The following RPS6KA2 variants were observed in gnomAD, a reference collection of about 807,000 sequenced individuals.
RPS6KA2 encodes ribosomal protein S6 kinase A2.
RPS6KA2 carries 42 observed loss-of-function variants against 91.8 expected under a neutral mutation model. The observed-to-expected ratio is 0.46, with a 90% confidence interval of 0.36 to 0.59. The LOEUF is 0.59. RPS6KA2 is among the 20% of genes least tolerant of loss of function. The pLI, the probability that RPS6KA2 is intolerant of heterozygous loss-of-function variation, is 0.00. For missense variants in RPS6KA2, 798 were observed against 978.5 expected (o/e 0.82, Z 2.46); for synonymous variants, 414 against 393.6 (o/e 1.05, Z -0.61).
intron 2 of RPS6KA2, among the ~76,000 whole-genome samples, chr6:166,663,650 A>T (rs1022836677): frequency 3.3e-5 from 5 of 152,204 alleles, no homozygotes; most frequent in African/African-American, 1.2e-4. Context: ...AAGAACATGC[A>T]ACAGGGGAAA....
At chr6:166,771,360 A>G (rs942900393) in intron 2 of RPS6KA2, among the ~76,000 whole-genome samples, 1 of 152,188 alleles carries the variant, frequency 6.6e-6, no homozygotes, top group African/African-American at 2.4e-5. Context: ...CATCTGTAAT[A>G]CGCTCGCATA....
In RPS6KA2 at chr6:166,448,884, A is replaced by C; in HGVS notation, c.1207-35T>G. 1 of 1,611,102 alleles carries C rather than the reference A, an allele frequency of 6.2e-7. No homozygotes were observed. The highest frequency in any genetic ancestry group is 8.5e-7 in the Non-Finnish European group (1 of 1,178,004). ...GACCAAGAGAAGAAGAGTTGTCGGA[A>C]CCCTCACACGAGGGGACGGTGCAGC... On this transcript the variant is annotated intron_variant, in intron 13 of 20. Coordinates refer to ENST00000265678, the MANE Select transcript of RPS6KA2 (RefSeq NM_021135.6). The surrounding 1 kb of genome is among the most constrained non-coding windows in gnomAD (Gnocchi z 4.7).
chr6:166,765,540 C>T (rs892827134), intron 2 of RPS6KA2, among the ~76,000 whole-genome samples: 11 of 152,148 alleles, frequency 7.2e-5, no homozygotes, highest in African/African-American at 9.7e-5. Context: ...AACAAGAAAA[C>T]GACTTTGTTT....
At chr6:166,579,858 A>T (rs1250651688) in intron 1 of RPS6KA2, among the ~76,000 whole-genome samples, 1 of 152,212 alleles carries the variant, frequency 6.6e-6, no homozygotes, top group African/African-American at 2.4e-5. Context: ...TGATTATGCA[A>T]ATAACTCACA....
chr6:166,602,360 C>A (rs1000462392), intron 1 of RPS6KA2, among the ~76,000 whole-genome samples: 3 of 152,178 alleles, frequency 2.0e-5, no homozygotes, highest in African/African-American at 7.2e-5. Context: ...AGGTATATAC[C>A]CGAGAGAACC....
In RPS6KA2 at chr6:166,435,033, T is replaced by C. The variant is rs1779251484; in HGVS notation, c.1333-2543A>G. On this transcript the variant is annotated intron_variant, in intron 14 of 20. Coordinates refer to ENST00000265678, the MANE Select transcript of RPS6KA2 (RefSeq NM_021135.6). This position sits in a 1 kb window ranked among gnomAD's most constrained non-coding sequence, Gnocchi z 4.3. Reference sequence around the variant, plus strand: ...TATCCACATGAATTTTTAAAAATTTTGAACCACAAGAATATATTGTCTATT... The same window carrying C: ...TATCCACATGAATTTTTAAAAATTTCGAACCACAAGAATATATTGTCTATT... Among the ~76,000 whole-genome samples, 1 of 152,206 alleles carries C rather than the reference T, an allele frequency of 6.6e-6. No homozygotes were observed. The highest frequency in any genetic ancestry group is 1.5e-5 in the Non-Finnish European group (1 of 68,030).
chr6:166,624,341 CAG>C (rs1562349231), intron 1 of RPS6KA2, among the ~76,000 whole-genome samples: 1 of 152,236 alleles, frequency 6.6e-6, no homozygotes, highest in African/African-American at 2.4e-5. Flanking sequence ...TTCATCCACA[CAG>C]AGGAAATACA....
chr6:166,412,837 C>T lies in RPS6KA2; in HGVS notation c.2127G>A (p.Pro709=), dbSNP rs759746646. The T allele has an allele frequency of 6.4e-6, 10 of 1,574,022 alleles. No individual in the cohort carries two copies. Among genetic ancestry groups the T allele is most frequent in the African/African-American group, 1.3e-5 (1 of 74,340 alleles). ...TGGATGACAGCACGGGCTCCAGCCG[C>T]GGGGCCTGAGGTGTTCTGTTTAGAG... is the stretch of plus-strand genomic sequence containing the variant. ...YFALNRTPQA[P]RLEPVLSSNL... The change falls in exon 21 of 21, where the codon CCG becomes CCA. Residue 709 remains proline, a synonymous_variant. Coordinates refer to ENST00000265678, the MANE Select transcript of RPS6KA2 (RefSeq NM_021135.6). This position sits in a 1 kb window ranked among gnomAD's most constrained non-coding sequence, Gnocchi z 4.3.
chr6:166,656,846 T>C (rs1289702206), intron 2 of RPS6KA2, among the ~76,000 whole-genome samples: 2 of 152,124 alleles, frequency 1.3e-5, no homozygotes, highest in Non-Finnish European at 2.9e-5. Flanking sequence ...CCGCGGTGCA[T>C]GTGAAAGCCC....
chr6:166,596,536 T>C (rs1259516164), intron 1 of RPS6KA2, among the ~76,000 whole-genome samples: 1 of 152,140 alleles, frequency 6.6e-6, no homozygotes, highest in Non-Finnish European at 1.5e-5. Flanking sequence ...AGTTCTTCAG[T>C]CTTTGGAATC....
rs537238242 is a variant in RPS6KA2, at chr6:166,818,725, G to A, written c.123+39475C>T. Among the ~76,000 whole-genome samples the A allele has an allele frequency of 3.3e-5, 5 of 152,176 alleles. No individual in the cohort carries two copies. The South Asian group carries it at 1.0e-3, about 32-fold the overall frequency. The stretch of plus-strand genomic sequence containing the variant: ...CAATAAATCCATCAATTATTTTTTA[G>A]TCGAGATGTTATAATCCAATGCCAT... On this transcript the variant is annotated intron_variant, in intron 2 of 21. Coordinates refer to the RPS6KA2 transcript ENST00000503859.
chr6:166,471,729 A>G (rs986172862), intron 10 of RPS6KA2, among the ~76,000 whole-genome samples: 5 of 152,252 alleles, frequency 3.3e-5, no homozygotes, highest in African/African-American at 1.2e-4. Context: ...GTTCAAAATC[A>G]GACCAGAGGT....
chr6:166,505,242 C>T (rs946740790), intron 5 of RPS6KA2, among the ~76,000 whole-genome samples: 5 of 152,036 alleles, frequency 3.3e-5, no homozygotes, highest in Non-Finnish European at 7.4e-5. Flanking sequence ...AGCCACATTC[C>T]GGGATCCCAC....
At chr6:166,531,120 G>A (rs568491517) in intron 3 of RPS6KA2, 112 bp downstream of exon 3, 2 of 772,164 alleles carry the variant, frequency 2.6e-6, no homozygotes, top group Admixed American at 1.9e-5. Flanking sequence ...TGCTCATTTA[G>A]AGACATTTTC....
chr6:166,705,888 G>A (rs921535406), intron 2 of RPS6KA2, among the ~76,000 whole-genome samples: 2 of 152,096 alleles, frequency 1.3e-5, no homozygotes, highest in South Asian at 4.2e-4. Context: ...TTTGGAGGGG[G>A]GTCTGGGAGG....
rs941299625 is a variant in RPS6KA2, at chr6:166,825,530, T to G, written c.123+32670A>C. Among the ~76,000 whole-genome samples the G allele has an allele frequency of 6.9e-6, 1 of 145,978 alleles. No individual in the cohort carries two copies. The highest frequency in any genetic ancestry group is 2.8e-5 in the African/African-American group (1 of 35,666). ...TGCTACTTAGCTACTTACCCTAGAC[T>G]GGGTAGCTTAGCTACTTACCCTAGA... On this transcript the variant is annotated intron_variant, in intron 2 of 21. Transcript: ENST00000503859. The surrounding 1 kb of genome is among the most constrained non-coding windows in gnomAD (Gnocchi z 4.1).
intron 11 of RPS6KA2, among the ~76,000 whole-genome samples, chr6:166,465,728 C>T (rs991914406): frequency 2.0e-5 from 3 of 152,176 alleles, no homozygotes; most frequent in Non-Finnish European, 4.4e-5. Flanking sequence ...TCACTGTGCA[C>T]AAACCTCTTC....
intron 2 of RPS6KA2, among the ~76,000 whole-genome samples, chr6:166,809,427 T>C (rs569156132): frequency 9.9e-5 from 15 of 152,266 alleles, no homozygotes; most frequent in Admixed American, 2.0e-4. Context: ...TGGGAGGTGA[T>C]ATTTACAATT....
intron 10 of RPS6KA2, among the ~76,000 whole-genome samples, chr6:166,488,566 T>C (rs1781488499): frequency 6.6e-6 from 1 of 152,270 alleles, no homozygotes; most frequent in Admixed American, 6.5e-5. Flanking sequence ...GGTTGAAGGA[T>C]ACTACCATTT....
Sources: gnomAD v4.1 joint callset for allele counts (sites outside exome capture counted in the v4.1 genomes callset) on GRCh38, gnomAD v4.1.1 for gene constraint, Gnocchi (gnomAD v3.1) non-coding constraint, MANE v1.5 for transcripts, NCBI Gene and HGNC (gene_info 2026-07-23, HGNC 2026-07-21) for gene names.